The following MAPK8 variants were observed in gnomAD, a reference collection of about 807,000 sequenced individuals.
MAPK8 encodes the protein JUN N-terminal kinase.
In MAPK8, 13 loss-of-function variants were observed where a neutral mutation model predicts 52.9. The observed-to-expected ratio is 0.25, with a 90% CI of 0.16 to 0.39. The LOEUF (loss-of-function observed/expected upper bound fraction) is 0.39, where lower values mean the gene tolerates loss of function less well. Among genes scored for constraint, MAPK8 ranks in the 10% least tolerant of loss-of-function variants. The pLI is 1.00. For synonymous variants in MAPK8, 191 were observed against 169.8 expected (o/e 1.12, Z -0.97); for missense variants, 300 against 519.2 (o/e 0.58, Z 4.10).
chr10:48,419,571 CAG>C (rs774629932), intron 5 of MAPK8, among the ~76,000 whole-genome samples: 1 of 151,448 alleles, frequency 6.6e-6, no homozygotes, highest in Admixed American at 6.6e-5. Flanking sequence ...CTTCTACAAA[CAG>C]ACAGAAATTT....
In MAPK8 at chr10:48,435,136, A is replaced by C; in HGVS notation, c.*107A>C. ...TTATTTTTGGGTGATTTTTCAAAAA[A>C]TGTAGAATTCATTTTGTAGTAAAGT... On this transcript the variant is annotated 3_prime_UTR_variant, in exon 12 of 12. Coordinates refer to ENST00000374189, the MANE Select transcript of MAPK8 (RefSeq NM_001323329.2). 1.1e-6 allele frequency: 1 copy of C among 872,914 alleles called. No homozygotes were observed. Among genetic ancestry groups the C allele is most frequent in the Non-Finnish European group, 1.7e-6 (1 of 599,910 alleles). The allele number at this position is 872,914 out of a possible 1,614,324, so 54.1% of individuals were successfully genotyped here.
intron 9 of MAPK8, 72 bp downstream of exon 9, chr10:48,426,576 A>G (rs2043696696): frequency 7.1e-6 from 10 of 1,402,310 alleles, no homozygotes; most frequent in Non-Finnish European, 9.7e-6. Context: ...GGTTTGGAGG[A>G]GACCTTTTAA....
rs948420972 is a variant in MAPK8 at position 48,437,403 on chromosome 10, T to C, written c.*2374T>C. Reference sequence around the variant, plus strand: ...AATAACATTTCTATCAGGTAGTACTTGTATGAAACCACCTTTCTTATTCTA... The same window carrying C: ...AATAACATTTCTATCAGGTAGTACTCGTATGAAACCACCTTTCTTATTCTA... On this transcript the variant is annotated 3_prime_UTR_variant, in exon 12 of 12. Transcript: ENST00000374189. 7 of 152,200 alleles carry C rather than the reference T, an allele frequency of 4.6e-5. No individual in the cohort carries two copies. In the East Asian group the frequency reaches 1.3e-3, roughly 29 times the overall value. The allele number at this position is 152,200 out of a possible 1,614,324, so 9.4% of individuals were successfully genotyped here.
chr10:48,336,932 C>T (rs1232961402), intron 1 of MAPK8, among the ~76,000 whole-genome samples: 1 of 152,082 alleles, frequency 6.6e-6, no homozygotes, highest in East Asian at 1.9e-4. Flanking sequence ...ATTTGTATCT[C>T]CTAGGTATAT....
At chr10:48,431,432 A>G (rs1468501881) in intron 11 of MAPK8, among the ~76,000 whole-genome samples, 162 bp downstream of exon 11, 2 of 152,252 alleles carry the variant, frequency 1.3e-5, no homozygotes, top group African/African-American at 2.4e-5. Flanking sequence ...CTAATACATT[A>G]TACTAATATA....
At chr10:48,420,381 A>AT (rs1010411504) in intron 6 of MAPK8, 61 bp downstream of exon 6, 1 of 1,409,504 alleles carries the variant, frequency 7.1e-7, no homozygotes, top group Non-Finnish European at 9.6e-7. Flanking sequence ...TATTCAGTAG[A>AT]TTTTTAATGT....
At chr10:48,366,984 G>A (rs568131939) in intron 1 of MAPK8, among the ~76,000 whole-genome samples, 58 of 152,246 alleles carry the variant, frequency 3.8e-4, no homozygotes, top group Non-Finnish European at 5.9e-4. Flanking sequence ...ACTAGAAGGT[G>A]TTGGACCAAG....
At chr10:48,424,799 T>G (rs1751265670) in intron 7 of MAPK8, among the ~76,000 whole-genome samples, 1 of 152,162 alleles carries the variant, frequency 6.6e-6, no homozygotes, top group African/African-American at 2.4e-5. Flanking sequence ...TATGCACAAT[T>G]ACTTGCTGGC....
At chr10:48,324,684 GT>G (rs35042516) in intron 1 of MAPK8, among the ~76,000 whole-genome samples, 122,391 of 151,238 alleles carry the variant, frequency 0.81, 49,680 homozygotes, top group Middle Eastern at 0.9. Flanking sequence ...ATTATATTTA[GT>G]TTTTTTTTGG....
chr10:48,428,410 C>G (rs536197366), intron 10 of MAPK8, among the ~76,000 whole-genome samples: 1 of 152,262 alleles, frequency 6.6e-6, no homozygotes, highest in Non-Finnish European at 1.5e-5. Flanking sequence ...TTTACCTCAT[C>G]TTAAAATAGA....
intron 1 of MAPK8, chr10:48,308,298 CA>C (rs748469726): frequency 1.1e-4 from 16 of 152,080 alleles, no homozygotes; most frequent in Non-Finnish European, 1.6e-4. Flanking sequence ...AGTAAGTGTT[CA>C]ATAAAAGTCG....
intron 1 of MAPK8, among the ~76,000 whole-genome samples, chr10:48,333,478 T>A (rs1844342673): frequency 6.6e-6 from 1 of 152,194 alleles, no homozygotes; most frequent in African/African-American, 2.4e-5. Flanking sequence ...CCACCCCATA[T>A]TTGAGTGAGC....
intron 1 of MAPK8, among the ~76,000 whole-genome samples, chr10:48,319,637 C>T (rs1029073936): frequency 6.6e-6 from 1 of 151,656 alleles, no homozygotes; most frequent in Non-Finnish European, 1.5e-5. Flanking sequence ...TTACAGGTGC[C>T]TGCCACTAGG....
intron 5 of MAPK8, among the ~76,000 whole-genome samples, chr10:48,414,568 A>AT (rs3047769): frequency 0.046 from 4,057 of 88,448 alleles, 272 homozygotes; most frequent in South Asian, 0.056. Context: ...GTTGAAAAGA[A>AT]TTTTTTTTTT....
intron 1 of MAPK8, among the ~76,000 whole-genome samples, chr10:48,347,025 G>C (rs1452183599): frequency 1.3e-5 from 2 of 152,142 alleles, no homozygotes; most frequent in Non-Finnish European, 2.9e-5. Flanking sequence ...CCGCGCATTG[G>C]TGGTAGTGGT....
intron 1 of MAPK8, among the ~76,000 whole-genome samples, chr10:48,347,682 A>T (rs552977280): frequency 1.3e-5 from 2 of 152,280 alleles, no homozygotes; most frequent in African/African-American, 4.8e-5. Flanking sequence ...TTTGCTGAGA[A>T]TGATGGTTTC....
chr10:48,319,952 T>G (rs1304912868), intron 1 of MAPK8, among the ~76,000 whole-genome samples: 3 of 152,082 alleles, frequency 2.0e-5, no homozygotes, highest in African/African-American at 7.2e-5. Context: ...GTTTCACCCT[T>G]GTTGCCCAGG....
intron 1 of MAPK8, among the ~76,000 whole-genome samples, chr10:48,360,733 T>C (rs1170167763): frequency 1.3e-5 from 2 of 152,222 alleles, no homozygotes; most frequent in African/African-American, 2.4e-5. Context: ...ATTTCTTTTA[T>C]ATGAAGTTTG....
chr10:48,362,692 T>C (rs1484234206), intron 1 of MAPK8, among the ~76,000 whole-genome samples: 1 of 151,888 alleles, frequency 6.6e-6, no homozygotes, highest in Admixed American at 6.6e-5. Context: ...TGGATTCCAC[T>C]GTATCACACT....
Sources: allele counts gnomAD v4.1 joint callset (sites outside exome capture counted in the v4.1 genomes callset), GRCh38; gene constraint gnomAD v4.1.1; transcripts MANE v1.5; gene names NCBI Gene and HGNC (gene_info 2026-07-23, HGNC 2026-07-21).